Variants in MXI1 observed in about 807,000 individuals in gnomAD.
MXI1 encodes MAX interactor 1, dimerization protein.
Under a neutral mutation model 36.9 loss-of-function variants are expected in MXI1, and 18 were observed. The observed-to-expected ratio is 0.49, with a 90% CI of 0.34 to 0.72. The LOEUF is 0.72. Among genes scored for constraint, MXI1 ranks in the 30% least tolerant of loss-of-function variants. The probability of loss-of-function intolerance (pLI) is 0.01; values close to 1 mark genes in which losing one functional copy is unlikely to be tolerated. For synonymous variants in MXI1, 160 were observed against 146.7 expected (o/e 1.09, Z -0.65); for missense variants, 304 against 379.1 (o/e 0.80, Z 1.64).
chr10:110,233,018 AG>A (rs1855330047), intron 2 of MXI1, among the ~76,000 whole-genome samples: 1 of 152,224 alleles, frequency 6.6e-6, no homozygotes, highest in African/African-American at 2.4e-5. Flanking sequence ...TATTCATATG[AG>A]CCTGTGACAC....
chr10:110,251,576 G>T (rs1193064275), intron 3 of MXI1, among the ~76,000 whole-genome samples: 1 of 152,028 alleles, frequency 6.6e-6, no homozygotes, highest in Non-Finnish European at 1.5e-5. Context: ...TTTTGAAAAA[G>T]AAATTGAAGA....
At chr10:110,273,265 T>C (rs1214652743) in intron 3 of MXI1, among the ~76,000 whole-genome samples, 1 of 152,008 alleles carries the variant, frequency 6.6e-6, no homozygotes, top group African/African-American at 2.4e-5. Context: ...GCCACAATGG[T>C]CTCGATCTCC....
intron 1 of MXI1, chr10:110,226,364 C>A: frequency 1.5e-6 from 2 of 1,297,898 alleles, no homozygotes; most frequent in East Asian, 3.7e-5. Flanking sequence ...AGGGAGGGCA[C>A]GCGTGTGAGG....
At chr10:110,245,964 A>C (rs764474368) in intron 3 of MXI1, 3 of 152,158 alleles carry the variant, frequency 2.0e-5, no homozygotes, top group African/African-American at 7.2e-5. Flanking sequence ...TAGAAGAAGA[A>C]GACAAATTTG....
intron 5 of MXI1, 63 bp from the exon 6 acceptor site, chr10:110,284,757 TGTTA>T (rs1333659887): frequency 7.2e-7 from 1 of 1,392,074 alleles, no homozygotes; most frequent in Non-Finnish European, 9.7e-7. Context: ...TTCCTCATGC[TGTTA>T]GTTTTTGAAG....
intron 2 of MXI1, among the ~76,000 whole-genome samples, chr10:110,229,200 C>G (rs1437050318): frequency 6.6e-6 from 1 of 152,176 alleles, no homozygotes; most frequent in African/African-American, 2.4e-5. Flanking sequence ...TTTCAAAAGG[C>G]CTTTCTTAAC....
At chr10:110,215,182 C>T (rs1174164488) in intron 1 of MXI1, among the ~76,000 whole-genome samples, 1 of 151,986 alleles carries the variant, frequency 6.6e-6, no homozygotes, top group East Asian at 1.9e-4. Flanking sequence ...GCTGGGACTA[C>T]AGGTGGTTGC....
intron 2 of MXI1, among the ~76,000 whole-genome samples, chr10:110,228,973 A>C (rs1855162168): frequency 6.6e-6 from 1 of 152,240 alleles, no homozygotes; most frequent in South Asian, 2.1e-4. Flanking sequence ...TAATTCCAGC[A>C]CTTTGGGAGG....
At chr10:110,254,663 T>C (rs747756788) in intron 3 of MXI1, among the ~76,000 whole-genome samples, 1 of 152,090 alleles carries the variant, frequency 6.6e-6, no homozygotes, top group Non-Finnish European at 1.5e-5. Flanking sequence ...CATCCAAATA[T>C]GAAAGTTAAA....
chr10:110,276,467 A>G (rs1857032398), intron 3 of MXI1, among the ~76,000 whole-genome samples: 1 of 152,194 alleles, frequency 6.6e-6, no homozygotes, highest in South Asian at 2.1e-4. Flanking sequence ...AACCTCTTTT[A>G]CAAGTCTCCC....
chr10:110,260,426 TG>T, intron 3 of MXI1, among the ~76,000 whole-genome samples: 1 of 66,364 alleles, frequency 1.5e-5, no homozygotes, highest in Admixed American at 1.3e-4. Context: ...GGTGTGTGTG[TG>T]TGTGTGTGTG....
At chr10:110,223,411 G>A (rs1025591730) in intron 1 of MXI1, among the ~76,000 whole-genome samples, 1 of 151,940 alleles carries the variant, frequency 6.6e-6, no homozygotes, top group Non-Finnish European at 1.5e-5. Context: ...GTGAAACCCT[G>A]TCTCTACGAA....
At chr10:110,277,520 G>A (rs1393417966) in intron 3 of MXI1, among the ~76,000 whole-genome samples, 1 of 152,186 alleles carries the variant, frequency 6.6e-6, no homozygotes, top group Admixed American at 6.5e-5. Context: ...AAATTTTCCA[G>A]TTAAAAATGA....
intron 2 of MXI1, among the ~76,000 whole-genome samples, chr10:110,237,727 C>G (rs1033122435): frequency 1.3e-5 from 2 of 152,136 alleles, no homozygotes; most frequent in Admixed American, 1.3e-4. Context: ...TCCTACAGCC[C>G]CTTCAGGTTT....
intron 3 of MXI1, among the ~76,000 whole-genome samples, chr10:110,273,205 G>A (rs921978243): frequency 6.6e-5 from 10 of 151,808 alleles, no homozygotes; most frequent in African/African-American, 1.9e-4. Flanking sequence ...GTGCCACCAC[G>A]CCTGGCTAAT....
chr10:110,222,622 G>A (rs1485204385), intron 1 of MXI1, among the ~76,000 whole-genome samples: 1 of 152,210 alleles, frequency 6.6e-6, no homozygotes, highest in Non-Finnish European at 1.5e-5. Flanking sequence ...ACTCCCTTGA[G>A]AGAGAGATAT....
intron 3 of MXI1, chr10:110,245,755 G>A (rs550062866): frequency 6.6e-6 from 1 of 152,298 alleles, no homozygotes; most frequent in African/African-American, 2.4e-5. Flanking sequence ...TGAAGAATTG[G>A]TTGGTTGGGA....
At chr10:110,208,847 G>C (rs1393036450) in intron 1 of MXI1, among the ~76,000 whole-genome samples, 2 of 152,010 alleles carry the variant, frequency 1.3e-5, no homozygotes, top group African/African-American at 4.8e-5. Context: ...GACGCGGCTA[G>C]AAGGAAACTT....
At chr10:110,244,285 C>T (rs1346879160) in intron 2 of MXI1, among the ~76,000 whole-genome samples, 1 of 151,746 alleles carries the variant, frequency 6.6e-6, no homozygotes, top group East Asian at 1.9e-4. Context: ...TATTAATTTT[C>T]TTTCATGTAT....
Sources: gnomAD v4.1 joint callset for allele counts (sites outside exome capture counted in the v4.1 genomes callset) on GRCh38, gnomAD v4.1.1 for gene constraint, MANE v1.5 for transcripts, NCBI Gene and HGNC (gene_info 2026-07-23, HGNC 2026-07-21) for gene names.